The following SLC35D2 variants were observed in gnomAD, a reference collection of about 807,000 sequenced individuals.
SLC35D2 encodes nucleotide sugar transporter SLC35D2.
Under a neutral mutation model 41.8 loss-of-function variants are expected in SLC35D2, and 43 were observed. The ratio of observed to expected loss-of-function variants is 1.03; its 90% CI spans 0.81 to 1.33. The LOEUF is 1.33. Ranked by LOEUF, SLC35D2 falls within the 40% of genes most tolerant of loss-of-function variation. The pLI is 0.00. For missense variants in SLC35D2, 380 were observed against 408.4 expected (o/e 0.93, Z 0.60); for synonymous variants, 150 against 163.9 (o/e 0.92, Z 0.65).
intron 1 of SLC35D2, among the ~76,000 whole-genome samples, chr9:96,382,490 C>CTATATATATAT (rs1238926572): frequency 6.2e-5 from 9 of 144,942 alleles, no homozygotes; most frequent in South Asian, 2.2e-4. Flanking sequence ...CACACACACA[C>CTATATATATAT]ACACACTATA....
chr9:96,324,210 C>T (rs41281898), intron 9 of SLC35D2, 41 bp from the exon 10 acceptor site: 26,985 of 1,555,254 alleles, frequency 0.017, 277 homozygotes, highest in Middle Eastern at 0.041. Context: ...TGCCTCACTA[C>T]GCTGGGTAAT....
intron 8 of SLC35D2, among the ~76,000 whole-genome samples, chr9:96,342,883 T>C (rs1363204477): frequency 6.6e-6 from 1 of 152,180 alleles, no homozygotes; most frequent in African/African-American, 2.4e-5. Context: ...TTTCAACTGG[T>C]GGGCAACATA....
At chr9:96,352,330 A>T (rs979161753) in intron 4 of SLC35D2, among the ~76,000 whole-genome samples, 18 of 151,708 alleles carry the variant, frequency 1.2e-4, no homozygotes, top group Non-Finnish European at 2.1e-4. Context: ...TTATTTATTT[A>T]TTTTTTTTGG....
At chr9:96,377,655 G>T (rs1016772697) in intron 1 of SLC35D2, among the ~76,000 whole-genome samples, 3 of 152,192 alleles carry the variant, frequency 2.0e-5, no homozygotes, top group African/African-American at 7.2e-5. Flanking sequence ...CACTTGTAAG[G>T]AGAGGATCCT....
chr9:96,349,312 T>C (rs965272462), intron 6 of SLC35D2, among the ~76,000 whole-genome samples: 2 of 152,100 alleles, frequency 1.3e-5, no homozygotes, highest in African/African-American at 2.4e-5. Context: ...ATCAATCCTT[T>C]ACAATTTTTG....
intron 5 of SLC35D2, among the ~76,000 whole-genome samples, chr9:96,351,468 T>C (rs1304659275): frequency 6.6e-6 from 1 of 151,902 alleles, no homozygotes; most frequent in Non-Finnish European, 1.5e-5. Flanking sequence ...CATGGACTGA[T>C]AGTGAGTATT....
At chr9:96,358,064 C>T (rs1349697526) in intron 4 of SLC35D2, among the ~76,000 whole-genome samples, 1 of 108,138 alleles carries the variant, frequency 9.2e-6, no homozygotes, top group Non-Finnish European at 1.8e-5. Flanking sequence ...AATGGATAAA[C>T]AAAATATTAT....
downstream of SLC35D2, among the ~76,000 whole-genome samples, chr9:96,317,032 G>T (rs1315835028): frequency 6.6e-6 from 1 of 152,052 alleles, no homozygotes; most frequent in East Asian, 1.9e-4. Context: ...CAGCTACTGG[G>T]GAGGCTGAGG....
intron 8 of SLC35D2, among the ~76,000 whole-genome samples, chr9:96,343,153 G>C (rs1325808458): frequency 6.6e-6 from 1 of 152,196 alleles, no homozygotes; most frequent in Non-Finnish European, 1.5e-5. Context: ...TGCACCCTTC[G>C]GGGTGGCCAC....
In SLC35D2 at chr9:96,321,228, C is replaced by T. The variant is rs376292678; in HGVS notation, c.*14G>A. 87 of 1,589,484 alleles carry T rather than the reference C, an allele frequency of 5.5e-5. No individual in the cohort carries two copies. The highest frequency in any genetic ancestry group is 7.0e-5 in the Non-Finnish European group (81 of 1,158,444). On this transcript the variant is annotated 3_prime_UTR_variant, in exon 12 of 12. Transcript: ENST00000253270. Reference sequence around the variant, plus strand: ...CGCAGTCACAAGTCAGTCTCCAATCCTGCTGCAGACTCTTTAGCTCTTCAA... The same window carrying T: ...CGCAGTCACAAGTCAGTCTCCAATCTTGCTGCAGACTCTTTAGCTCTTCAA...
intron 10 of SLC35D2, among the ~76,000 whole-genome samples, chr9:96,323,841 G>A (rs895796023): frequency 9.2e-5 from 14 of 152,034 alleles, no homozygotes; most frequent in South Asian, 4.2e-4. Context: ...CAGGAGAACC[G>A]CTCGAACCAG....
At chr9:96,315,119 T>C (rs7032226) in intron 11 of SLC35D2, among the ~76,000 whole-genome samples, 81,343 of 152,042 alleles carry the variant, frequency 0.54, 21,993 homozygotes, top group African/African-American at 0.6. Context: ...ATCTGACCTT[T>C]TCATAGACTT....
intron 5 of SLC35D2, 31 bp from the exon 6 acceptor site, chr9:96,351,202 G>C: frequency 6.9e-7 from 1 of 1,444,634 alleles, no homozygotes; most frequent in Non-Finnish European, 9.7e-7. Context: ...AGAAAGGAAA[G>C]GGAGCAGAGA....
chr9:96,336,927 T>C (rs1459397733), intron 8 of SLC35D2, 143 bp from the exon 9 acceptor site: 1 of 574,532 alleles, frequency 1.7e-6, no homozygotes, highest in Non-Finnish European at 3.1e-6. Context: ...TCATACTAGT[T>C]GTGGGACATT....
At chr9:96,372,882 G>C (rs534577774) in intron 1 of SLC35D2, among the ~76,000 whole-genome samples, 1 of 150,440 alleles carries the variant, frequency 6.6e-6, no homozygotes, top group East Asian at 2.0e-4. Flanking sequence ...AACCATGCCC[G>C]GGTTTTTTGT....
At chr9:96,334,411 G>A (rs1353611266) in intron 9 of SLC35D2, among the ~76,000 whole-genome samples, 2 of 152,202 alleles carry the variant, frequency 1.3e-5, no homozygotes. Flanking sequence ...GCCGAGGCAG[G>A]TGGATCACCT....
Position 96,360,134 on chromosome 9 carries a change from G to A in SLC35D2, c.347+20C>T. ...CACAGAGGTGAGGAACTTTCCACCA[G>A]CCATTATCCTATACTCTACCTTAAT... On this transcript the variant is annotated intron_variant, in intron 4 of 11. Transcript: ENST00000253270. 18 of 1,593,936 alleles carry A rather than the reference G, an allele frequency of 1.1e-5. No homozygotes were observed. The highest frequency in any genetic ancestry group is 1.5e-5 in the Non-Finnish European group (18 of 1,164,436).
chr9:96,328,377 A>G (rs565446466), intron 9 of SLC35D2, among the ~76,000 whole-genome samples: 129 of 152,284 alleles, frequency 8.5e-4, no homozygotes, highest in African/African-American at 3.1e-3. Flanking sequence ...CAGCCTCCCA[A>G]AGTGCTGGGA....
At chr9:96,344,681 G>T (rs1249225603) in intron 7 of SLC35D2, among the ~76,000 whole-genome samples, 1 of 129,326 alleles carries the variant, frequency 7.7e-6, no homozygotes. Context: ...ACATATGCCT[G>T]ACTCATCCTC....
Sources: gnomAD v4.1 joint callset for allele counts (sites outside exome capture counted in the v4.1 genomes callset) on GRCh38, gnomAD v4.1.1 for gene constraint, MANE v1.5 for transcripts, NCBI Gene and HGNC (gene_info 2026-07-23, HGNC 2026-07-21) for gene names.